Variants in SLC25A28 observed in about 807,000 individuals in gnomAD.
SLC25A28 encodes the protein solute carrier family 25 member 28, also known as mitoferrin-2.
Under a neutral mutation model 31.9 loss-of-function variants are expected in SLC25A28, and 10 were observed. That is an observed-to-expected ratio of 0.31 (90% CI 0.19 to 0.53). SLC25A28 has a LOEUF of 0.53. Ranked by LOEUF, SLC25A28 falls within the 20% of genes least tolerant of loss-of-function variation. SLC25A28 has a pLI of 0.95. For synonymous variants in SLC25A28, 208 were observed against 203.6 expected (o/e 1.02, Z -0.19); for missense variants, 256 against 490.3 (o/e 0.52, Z 4.51).
chr10:99,620,475 C>G (rs1042601094), upstream of SLC25A28: 1 of 1,045,524 alleles, frequency 9.6e-7, no homozygotes, highest in Non-Finnish European at 1.1e-6. Context: ...CGCGGACACG[C>G]CCCCCAAGCA....
chr10:99,615,954 T>C, intron 1 of SLC25A28: 1 of 985,246 alleles, frequency 1.0e-6, no homozygotes, highest in Middle Eastern at 5.2e-4. Context: ...GGGAAGCTAC[T>C]TTGAACATTC....
the SLC25A28 span, among the ~76,000 whole-genome samples, chr10:99,642,241 A>G: frequency 1.3e-5 from 2 of 151,030 alleles, no homozygotes; most frequent in South Asian, 4.2e-4. Context: ...CTTTTATTTC[A>G]TTGAGCAGTG....
the SLC25A28 span, among the ~76,000 whole-genome samples, chr10:99,658,609 C>A: frequency 6.6e-6 from 1 of 152,038 alleles, no homozygotes; most frequent in Non-Finnish European, 1.5e-5. Context: ...GGCTAAGAGG[C>A]TGGGACGGTT....
chr10:99,619,772 A>G (rs922808188), intron 1 of SLC25A28, among the ~76,000 whole-genome samples: 2 of 152,206 alleles, frequency 1.3e-5, no homozygotes, highest in Non-Finnish European at 2.9e-5. Context: ...GTTTAGTCCC[A>G]GGTGGGGTCC....
intron 1 of SLC25A28, chr10:99,616,027 G>A: frequency 1.0e-6 from 1 of 985,420 alleles, no homozygotes; most frequent in Non-Finnish European, 1.2e-6. Flanking sequence ...CTTATGGAGA[G>A]GACCTGGGCA....
chr10:99,654,680 A>AC, the SLC25A28 span, among the ~76,000 whole-genome samples: 3 of 150,602 alleles, frequency 2.0e-5, no homozygotes, highest in South Asian at 6.4e-4. Context: ...AACAACAACA[A>AC]AAAGATCACA....
At chr10:99,647,919 C>T in the SLC25A28 span, among the ~76,000 whole-genome samples, 4 of 151,976 alleles carry the variant, frequency 2.6e-5, no homozygotes, top group African/African-American at 9.7e-5. Flanking sequence ...GTGTCCTTTC[C>T]CCAGTGTTTA....
chr10:99,625,191 G>C (rs554103812), upstream of SLC25A28, among the ~76,000 whole-genome samples: 11 of 151,912 alleles, frequency 7.2e-5, no homozygotes, highest in Admixed American at 6.6e-4. Context: ...CCGACCCAAA[G>C]AGTGAGCACC....
Position 99,613,733 on chromosome 10 carries a change from ATCAC to A in SLC25A28, c.479_482del (p.Ser160MetfsTer2). 6.2e-7 allele frequency: 1 copy of A among 1,614,248 alleles called. No homozygotes were observed. The highest frequency in any genetic ancestry group is 8.5e-7 in the Non-Finnish European group (1 of 1,180,044). On this transcript the variant is annotated frameshift_variant, in exon 2 of 4. Coordinates refer to ENST00000370495, the MANE Select transcript of SLC25A28 (RefSeq NM_031212.4). LOFTEE classifies it high-confidence loss of function. The surrounding 1 kb of genome is among the most constrained non-coding windows in gnomAD (Gnocchi z 4.9). The stretch of plus-strand genomic sequence containing the variant: ...GGCTATTGCCCCCAGGGTGGATTAC[ATCAC>A]TCAATGTCTTTTTTAACTTTTCGTA...
chr10:99,616,442 T>C, intron 1 of SLC25A28: 2 of 974,412 alleles, frequency 2.1e-6, no homozygotes, highest in Non-Finnish European at 2.4e-6. Context: ...ATTTTTATTG[T>C]ATTCAAAATG....
At chr10:99,629,632 C>G in the SLC25A28 span, among the ~76,000 whole-genome samples, 1 of 152,194 alleles carries the variant, frequency 6.6e-6, no homozygotes, top group African/African-American at 2.4e-5. Flanking sequence ...GTGAATGAAT[C>G]TTGAAAGAAG....
the SLC25A28 span, among the ~76,000 whole-genome samples, chr10:99,648,081 C>T: frequency 6.6e-6 from 1 of 152,000 alleles, no homozygotes; most frequent in South Asian, 2.1e-4. Context: ...TCACTGTAGC[C>T]CCAGCCTCCC....
At chr10:99,635,321 A>G in the SLC25A28 span, among the ~76,000 whole-genome samples, 5 of 152,208 alleles carry the variant, frequency 3.3e-5, no homozygotes, top group Admixed American at 3.3e-4. Context: ...TCACATCTCA[A>G]TACTAACATT....
At chr10:99,645,517 G>A in the SLC25A28 span, among the ~76,000 whole-genome samples, 1 of 152,194 alleles carries the variant, frequency 6.6e-6, no homozygotes, top group Non-Finnish European at 1.5e-5. Context: ...TTAGCTTAGA[G>A]AAGTTTGTTA....
At chr10:99,638,120 G>C in the SLC25A28 span, among the ~76,000 whole-genome samples, 2 of 152,128 alleles carry the variant, frequency 1.3e-5, no homozygotes, top group South Asian at 4.1e-4. Context: ...GAAAAGAATA[G>C]AGAACCCAGA....
At chr10:99,646,768 A>C in the SLC25A28 span, among the ~76,000 whole-genome samples, 1 of 152,092 alleles carries the variant, frequency 6.6e-6, no homozygotes, top group East Asian at 1.9e-4. Flanking sequence ...TGTACCCATC[A>C]CCCAAATAGT....
the SLC25A28 span, among the ~76,000 whole-genome samples, chr10:99,633,674 A>AG: frequency 3.3e-5 from 5 of 149,606 alleles, no homozygotes; most frequent in Non-Finnish European, 7.4e-5. Flanking sequence ...GTCTTAAGAA[A>AG]AAAAAAAAAA....
At chr10:99,640,096 C>T in the SLC25A28 span, among the ~76,000 whole-genome samples, 1 of 152,224 alleles carries the variant, frequency 6.6e-6, no homozygotes, top group African/African-American at 2.4e-5. Flanking sequence ...GAGCGGCTCA[C>T]TATGTGCCAG....
the SLC25A28 span, among the ~76,000 whole-genome samples, chr10:99,635,499 G>C: frequency 8.8e-6 from 1 of 113,632 alleles, no homozygotes; most frequent in African/African-American, 3.3e-5. Context: ...GGCTAACGTG[G>C]TGAAACCCTG....
Sources: allele counts gnomAD v4.1 joint callset (sites outside exome capture counted in the v4.1 genomes callset), GRCh38; gene constraint gnomAD v4.1.1; non-coding constraint Gnocchi (gnomAD v3.1); transcripts MANE v1.5; gene names NCBI Gene and HGNC (gene_info 2026-07-23, HGNC 2026-07-21).